The following AGMO variants were observed in gnomAD, a reference collection of about 807,000 sequenced individuals.
AGMO encodes the protein alkylglycerol monooxygenase.
In AGMO, 75 loss-of-function variants were observed where a neutral mutation model predicts 60.2. The ratio of observed to expected loss-of-function variants is 1.25; its 90% CI spans 1.03 to 1.51. The LOEUF (loss-of-function observed/expected upper bound fraction) is 1.51, where lower values mean the gene tolerates loss of function less well. Among genes scored for constraint, AGMO ranks in the 40% most tolerant of loss-of-function variants. AGMO has a pLI of 0.00. For missense variants in AGMO, 763 were observed against 525.5 expected (o/e 1.45, Z -4.42); for synonymous variants, 261 against 177.1 (o/e 1.47, Z -3.76).
intron 12 of AGMO, among the ~76,000 whole-genome samples, chr7:15,355,011 T>TA (rs747733105): frequency 6.6e-6 from 1 of 152,068 alleles, no homozygotes; most frequent in Non-Finnish European, 1.5e-5. Flanking sequence ...AAATGATAAA[T>TA]ATTTGGCCTA....
chr7:15,491,093 T>G (rs899927033), intron 3 of AGMO, among the ~76,000 whole-genome samples: 3 of 152,180 alleles, frequency 2.0e-5, no homozygotes, highest in Non-Finnish European at 4.4e-5. Context: ...GAATTACATT[T>G]ATACACTGCT....
the AGMO span, among the ~76,000 whole-genome samples, chr7:15,161,992 G>A: frequency 6.6e-6 from 1 of 152,136 alleles, no homozygotes; most frequent in Non-Finnish European, 1.5e-5. Context: ...ATCCCCACAT[G>A]TTGAGAAAGG....
At chr7:15,288,236 G>A (rs530491418) in intron 12 of AGMO, among the ~76,000 whole-genome samples, 168 of 152,028 alleles carry the variant, frequency 1.1e-3, no homozygotes, top group Non-Finnish European at 2.0e-3. Context: ...GTTTCACCGT[G>A]TTAGCCAGGA....
At chr7:15,383,989 G>A (rs1783806740) in intron 10 of AGMO, among the ~76,000 whole-genome samples, 2 of 151,938 alleles carry the variant, frequency 1.3e-5, no homozygotes, top group Admixed American at 6.6e-5. Context: ...AGGCTGGAGT[G>A]CAGTGGCGCG....
chr7:15,501,875 T>C (rs1783394701), intron 3 of AGMO, among the ~76,000 whole-genome samples: 1 of 151,998 alleles, frequency 6.6e-6, no homozygotes, highest in African/African-American at 2.4e-5. Context: ...AAAAATTGAT[T>C]TCAAGGAGCT....
At chr7:15,337,159 T>C (rs377089184) in intron 12 of AGMO, among the ~76,000 whole-genome samples, 2 of 152,200 alleles carry the variant, frequency 1.3e-5, no homozygotes, top group Non-Finnish European at 2.9e-5. Context: ...AAGAAGTTTA[T>C]ATTGCAACTA....
chr7:15,409,309 A>G (rs1214396844), intron 5 of AGMO, among the ~76,000 whole-genome samples: 1 of 151,958 alleles, frequency 6.6e-6, no homozygotes, highest in Non-Finnish European at 1.5e-5. Flanking sequence ...ACTCTACCAT[A>G]TCAGTTCTTT....
chr7:15,531,038 CTA>C (rs376484757), intron 3 of AGMO, among the ~76,000 whole-genome samples: 63,763 of 77,218 alleles, frequency 0.83, 28,169 homozygotes, highest in East Asian at 0.97. Flanking sequence ...CATATATATT[CTA>C]TATATATTCT....
At chr7:15,530,432 CTATA>C (rs1437051229) in intron 3 of AGMO, among the ~76,000 whole-genome samples, 1 of 126,210 alleles carries the variant, frequency 7.9e-6, no homozygotes, top group Non-Finnish European at 1.6e-5. Flanking sequence ...ATACGTATTT[CTATA>C]TATATTCTAT....
Position 15,424,788 on chromosome 7 carries a change from TG to T in AGMO, c.514-6136del, listed in dbSNP as rs1583537827. Reference sequence around the variant, plus strand: ...AGAAAAGTTTTGTTTCTTTACTTCATGGGGGCTTAATGCATGCTTTCCTTTT... The same window carrying T: ...AGAAAAGTTTTGTTTCTTTACTTCATGGGGCTTAATGCATGCTTTCCTTTT... On this transcript the variant is annotated intron_variant, in intron 4 of 12. Coordinates refer to ENST00000342526, the MANE Select transcript of AGMO (RefSeq NM_001004320.2). Among the ~76,000 whole-genome samples, 3 of 152,192 alleles carry T rather than the reference TG, an allele frequency of 2.0e-5. No individual in the cohort carries two copies. In the East Asian group the frequency reaches 5.8e-4, roughly 29 times the overall value.
At chr7:15,375,756 T>C (rs1206724004) in intron 10 of AGMO, among the ~76,000 whole-genome samples, 1 of 152,066 alleles carries the variant, frequency 6.6e-6, no homozygotes, top group Non-Finnish European at 1.5e-5. Context: ...CATTTAGACT[T>C]GGGAGTTTCC....
At chr7:15,521,705 A>G (rs142057101) in intron 3 of AGMO, among the ~76,000 whole-genome samples, 7,090 of 152,278 alleles carry the variant, frequency 0.047, 563 homozygotes, top group African/African-American at 0.16. Context: ...TCCCAAAGTA[A>G]TAAGAGCTAT....
chr7:15,188,387 A>C, the AGMO span, among the ~76,000 whole-genome samples: 1 of 152,224 alleles, frequency 6.6e-6, no homozygotes, highest in Non-Finnish European at 1.5e-5. Flanking sequence ...TAGCTGGTAC[A>C]TGGGAAGTAC....
intron 12 of AGMO, among the ~76,000 whole-genome samples, chr7:15,234,224 C>A (rs79658820): frequency 0.013 from 1,904 of 152,230 alleles, 44 homozygotes; most frequent in African/African-American, 0.044. Flanking sequence ...TAACTTGAAT[C>A]TTCCAAATTG....
At chr7:15,438,580 C>T (rs1267886138) in intron 3 of AGMO, among the ~76,000 whole-genome samples, 1 of 152,124 alleles carries the variant, frequency 6.6e-6, no homozygotes, top group Non-Finnish European at 1.5e-5. Context: ...GTGATAATAA[C>T]ATGTTTTACT....
chr7:15,252,841 G>A (rs1782978977), intron 12 of AGMO, among the ~76,000 whole-genome samples: 1 of 152,180 alleles, frequency 6.6e-6, no homozygotes, highest in African/African-American at 2.4e-5. Context: ...CTGAAAAAGG[G>A]TGGGCGGGGG....
chr7:15,363,780 T>C (rs1219660746), intron 12 of AGMO, among the ~76,000 whole-genome samples: 1 of 152,114 alleles, frequency 6.6e-6, no homozygotes, highest in Non-Finnish European at 1.5e-5. Context: ...GTAAGGAACC[T>C]ATGTTCTCTA....
chr7:15,179,210 A>G, the AGMO span, among the ~76,000 whole-genome samples: 1 of 152,092 alleles, frequency 6.6e-6, no homozygotes, highest in African/African-American at 2.4e-5. Context: ...GAGCCATCAC[A>G]ATAGCCCAAA....
chr7:15,284,000 C>A (rs984519898), intron 12 of AGMO, among the ~76,000 whole-genome samples: 1 of 151,814 alleles, frequency 6.6e-6, no homozygotes, highest in African/African-American at 2.4e-5. Flanking sequence ...ACAATGAAAT[C>A]AAGATGGAAT....
Sources: gnomAD v4.1 joint callset for allele counts (sites outside exome capture counted in the v4.1 genomes callset) on GRCh38, gnomAD v4.1.1 for gene constraint, MANE v1.5 for transcripts, NCBI Gene and HGNC (gene_info 2026-07-23, HGNC 2026-07-21) for gene names.